The following LGSN variants were observed in gnomAD, a reference collection of about 807,000 sequenced individuals.
LGSN encodes the protein lengsin.
LGSN carries 21 observed loss-of-function variants against 19.5 expected under a neutral mutation model. The observed-to-expected ratio is 1.07, with a 90% CI of 0.76 to 1.55. LGSN has a LOEUF of 1.55. Ranked by LOEUF, LGSN falls within the 40% of genes most tolerant of loss-of-function variation. LGSN has a pLI of 0.00. For synonymous variants in LGSN, 257 were observed against 215.6 expected (o/e 1.19, Z -1.68); for missense variants, 673 against 608.5 (o/e 1.11, Z -1.12).
intron 2 of LGSN, among the ~76,000 whole-genome samples, chr6:63,294,306 G>T (rs1767891003): frequency 6.6e-6 from 1 of 152,048 alleles, no homozygotes; most frequent in Non-Finnish European, 1.5e-5. Context: ...CTGCACTCCA[G>T]CCTGGGTGAC....
the LGSN span, among the ~76,000 whole-genome samples, chr6:63,491,397 A>G: frequency 2.0e-5 from 3 of 151,858 alleles, no homozygotes; most frequent in Admixed American, 6.6e-5. Flanking sequence ...GTAAGCTGGA[A>G]GACCCTAGGT....
chr6:63,474,095 T>C, the LGSN span, among the ~76,000 whole-genome samples: 57 of 152,258 alleles, frequency 3.7e-4, 3 homozygotes, highest in South Asian at 0.012. Context: ...ATGGGAGAAC[T>C]TGGCCCATAT....
chr6:63,319,347 C>A (rs1410907348), intron 1 of LGSN, among the ~76,000 whole-genome samples: 1 of 152,186 alleles, frequency 6.6e-6, no homozygotes, highest in Non-Finnish European at 1.5e-5. Flanking sequence ...GCACTTCAGT[C>A]TTTCAGAATG....
At chr6:63,555,200 G>A in the LGSN span, among the ~76,000 whole-genome samples, 7 of 152,160 alleles carry the variant, frequency 4.6e-5, no homozygotes, top group Non-Finnish European at 7.3e-5. Flanking sequence ...AAGAAAATGG[G>A]TTCTGTAGAT....
chr6:63,309,012 C>T (rs1179596777), intron 1 of LGSN, among the ~76,000 whole-genome samples: 1 of 152,080 alleles, frequency 6.6e-6, no homozygotes, highest in Non-Finnish European at 1.5e-5. Flanking sequence ...AGAAAATAAT[C>T]CAAGATACGT....
the LGSN span, among the ~76,000 whole-genome samples, chr6:63,419,266 A>C: frequency 4.6e-5 from 7 of 152,198 alleles, no homozygotes; most frequent in Non-Finnish European, 8.8e-5. Flanking sequence ...AGTGTGAGGA[A>C]TATGAAAAAG....
At chr6:63,503,739 AC>A in the LGSN span, among the ~76,000 whole-genome samples, 2 of 150,986 alleles carry the variant, frequency 1.3e-5, no homozygotes, top group Non-Finnish European at 3.0e-5. Flanking sequence ...ACATGGTGAA[AC>A]CCCGCCTCTA....
At chr6:63,341,938 C>T in the LGSN span, among the ~76,000 whole-genome samples, 14 of 152,210 alleles carry the variant, frequency 9.2e-5, 2 homozygotes, top group Admixed American at 5.9e-4. Context: ...CTTAGAGCTA[C>T]CAGGATTCTA....
chr6:63,398,647 G>A, the LGSN span, among the ~76,000 whole-genome samples: 1 of 151,948 alleles, frequency 6.6e-6, no homozygotes, highest in African/African-American at 2.4e-5. Context: ...ATTATTAAAG[G>A]AAGAATACTA....
chr6:63,526,833 ATATT>A, the LGSN span, among the ~76,000 whole-genome samples: 189 of 127,938 alleles, frequency 1.5e-3, 2 homozygotes, highest in African/African-American at 4.0e-3. Flanking sequence ...ATATATATAT[ATATT>A]TATTTATTTA....
the LGSN span, among the ~76,000 whole-genome samples, chr6:63,562,216 T>A: frequency 2.2e-4 from 34 of 151,154 alleles, no homozygotes; most frequent in African/African-American, 8.2e-4. Flanking sequence ...TTTTTTTTTT[T>A]GAGACAGAGT....
chr6:63,366,149 G>T, the LGSN span, among the ~76,000 whole-genome samples: 2 of 152,254 alleles, frequency 1.3e-5, no homozygotes, highest in East Asian at 3.9e-4. Flanking sequence ...AAGTCAAATT[G>T]TCCCTGTTTG....
At chr6:63,547,721 C>T in the LGSN span, among the ~76,000 whole-genome samples, 3 of 148,698 alleles carry the variant, frequency 2.0e-5, no homozygotes, top group East Asian at 6.1e-4. Context: ...CCATGTTAGC[C>T]AGGATGGTCT....
the LGSN span, among the ~76,000 whole-genome samples, chr6:63,338,662 C>T: frequency 1.3e-5 from 2 of 151,702 alleles, no homozygotes; most frequent in Non-Finnish European, 2.9e-5. Context: ...TTTATTGATC[C>T]TTTTCTTAGT....
the LGSN span, among the ~76,000 whole-genome samples, chr6:63,326,576 A>G: frequency 6.6e-6 from 1 of 151,764 alleles, no homozygotes; most frequent in Non-Finnish European, 1.5e-5. Context: ...GGCGGGCTGC[A>G]GGTCCTGAGC....
chr6:63,284,955 C>A (rs189157387), intron 3 of LGSN, among the ~76,000 whole-genome samples: 176 of 152,218 alleles, frequency 1.2e-3, no homozygotes, highest in Non-Finnish European at 1.8e-3. Flanking sequence ...GACCTGATGT[C>A]CCTTGCTAAG....
At chr6:63,348,606 G>C in the LGSN span, among the ~76,000 whole-genome samples, 2 of 152,108 alleles carry the variant, frequency 1.3e-5, no homozygotes, top group African/African-American at 4.8e-5. Flanking sequence ...CAAGGCACTA[G>C]TAGATGTTGA....
the LGSN span, among the ~76,000 whole-genome samples, chr6:63,353,144 T>C: frequency 6.6e-6 from 1 of 152,124 alleles, no homozygotes; most frequent in Non-Finnish European, 1.5e-5. Context: ...GATTGGTTAT[T>C]GAATGTTTTA....
At chr6:63,511,920 A>T in the LGSN span, among the ~76,000 whole-genome samples, 2 of 152,190 alleles carry the variant, frequency 1.3e-5, no homozygotes, top group Non-Finnish European at 2.9e-5. Context: ...TAATTAAAAA[A>T]ATTAATAATT....
Sources: gnomAD v4.1 joint callset for allele counts (sites outside exome capture counted in the v4.1 genomes callset) on GRCh38, gnomAD v4.1.1 for gene constraint, MANE v1.5 for transcripts, NCBI Gene and HGNC (gene_info 2026-07-23, HGNC 2026-07-21) for gene names.